Variants in SLC39A11 observed in about 807,000 individuals in gnomAD.
The protein encoded by SLC39A11 is zinc transporter ZIP11.
SLC39A11 carries 33 observed loss-of-function variants against 36.1 expected under a neutral mutation model. The ratio of observed to expected loss-of-function variants is 0.91; its 90% CI spans 0.69 to 1.22. SLC39A11 has a LOEUF of 1.22. Ranked by LOEUF, SLC39A11 falls within the 50% of genes most tolerant of loss-of-function variation. SLC39A11 has a pLI of 0.00. For synonymous variants in SLC39A11, 166 were observed against 170.3 expected (o/e 0.97, Z 0.20); for missense variants, 432 against 430.3 (o/e 1.00, Z -0.03).
chr17:72,893,633 T>TA, intron 5 of SLC39A11, among the ~76,000 whole-genome samples: 1 of 152,034 alleles, frequency 6.6e-6, no homozygotes, highest in East Asian at 1.9e-4. Flanking sequence ...AATTTAGGGT[T>TA]AAAAAAATGG....
At chr17:72,909,829 T>G (rs1480363725) in intron 5 of SLC39A11, among the ~76,000 whole-genome samples, 1 of 150,656 alleles carries the variant, frequency 6.6e-6, no homozygotes, top group African/African-American at 2.4e-5. Flanking sequence ...CACTGCAACC[T>G]CCGCTTCCCG....
chr17:73,081,610 G>GATAT (rs36154651), intron 3 of SLC39A11, among the ~76,000 whole-genome samples: 5 of 133,588 alleles, frequency 3.7e-5, no homozygotes, highest in African/African-American at 1.4e-4. Context: ...AAGAAAATGT[G>GATAT]ATATATATAT....
At chr17:73,000,888 C>G (rs1043334945) in intron 4 of SLC39A11, among the ~76,000 whole-genome samples, 1 of 152,184 alleles carries the variant, frequency 6.6e-6, no homozygotes, top group African/African-American at 2.4e-5. Flanking sequence ...AACTTTAGTG[C>G]TTGAAAAGGG....
chr17:72,772,584 T>C (rs916011378), intron 6 of SLC39A11, among the ~76,000 whole-genome samples: 2 of 151,794 alleles, frequency 1.3e-5, no homozygotes, highest in African/African-American at 2.4e-5. Context: ...CCAAGGAGAG[T>C]GACAGAAAGA....
chr17:72,781,487 G>A (rs1280467929), intron 6 of SLC39A11, among the ~76,000 whole-genome samples: 45 of 151,406 alleles, frequency 3.0e-4, no homozygotes, highest in Non-Finnish European at 5.9e-4. Context: ...GCAATGGCGC[G>A]ATCTCGGCTC....
At chr17:72,858,128 A>T (rs911683893) in intron 5 of SLC39A11, among the ~76,000 whole-genome samples, 1 of 152,198 alleles carries the variant, frequency 6.6e-6, no homozygotes, top group Non-Finnish European at 1.5e-5. Flanking sequence ...TTAAGTCTTG[A>T]ATCCATCTTG....
At chr17:72,725,168 C>G (rs182066869) in intron 7 of SLC39A11, among the ~76,000 whole-genome samples, 67 of 152,204 alleles carry the variant, frequency 4.4e-4, no homozygotes, top group African/African-American at 1.5e-3. Context: ...TAAATGTCAC[C>G]CTCTCCCCTC....
At chr17:72,813,654 A>G (rs1252578941) in intron 6 of SLC39A11, among the ~76,000 whole-genome samples, 1 of 152,176 alleles carries the variant, frequency 6.6e-6, no homozygotes, top group African/African-American at 2.4e-5. Context: ...GAAGTTGATC[A>G]CTCTGCCTCT....
At chr17:72,824,663 G>A (rs2077938320) in intron 6 of SLC39A11, among the ~76,000 whole-genome samples, 1 of 151,346 alleles carries the variant, frequency 6.6e-6, no homozygotes, top group Admixed American at 6.6e-5. Flanking sequence ...ATGAAGTCCA[G>A]GCTGAAGTGG....
chr17:73,001,953 A>G (rs1443089298), intron 4 of SLC39A11, among the ~76,000 whole-genome samples: 1 of 152,188 alleles, frequency 6.6e-6, no homozygotes, highest in Non-Finnish European at 1.5e-5. Context: ...GGCTTAGGAA[A>G]GAATGGTGAA....
At chr17:72,763,926 G>A (rs149952666) in intron 6 of SLC39A11, among the ~76,000 whole-genome samples, 216 of 152,202 alleles carry the variant, frequency 1.4e-3, no homozygotes, top group Non-Finnish European at 2.9e-3. Context: ...GCTTATATCC[G>A]GTTCCATTTT....
At chr17:73,007,320 C>A (rs1306650853) in intron 4 of SLC39A11, among the ~76,000 whole-genome samples, 1 of 152,174 alleles carries the variant, frequency 6.6e-6, no homozygotes, top group South Asian at 2.1e-4. Context: ...ACTCAGGAGG[C>A]TGAGGAGGGA....
chr17:72,849,665 G>A lies in SLC39A11; in HGVS notation c.570C>T (p.Leu190=), dbSNP rs766704695. The A allele has an allele frequency of 4.4e-6, 7 of 1,592,186 alleles. No individual in the cohort carries two copies. Among genetic ancestry groups the A allele is most frequent in the Non-Finnish European group, 6.0e-6 (7 of 1,171,662 alleles). The change falls in exon 6 of 10, where the codon CTC becomes CTT. Residue 190 remains leucine, a synonymous_variant. Transcript: ENST00000255559. ...GGSSWRRIAL[L]ILAITIHNVP... Reference sequence around the variant, plus strand: ...CGTTGTGTATAGTGATGGCCAAGATGAGCAGTGCGATCCTCCTCCAGCTGC... The same window carrying A: ...CGTTGTGTATAGTGATGGCCAAGATAAGCAGTGCGATCCTCCTCCAGCTGC...
rs1159516130 is a variant in SLC39A11, at chr17:72,868,674, G to C, written c.431-18870C>G. Among the ~76,000 whole-genome samples, 5 of 150,906 alleles carry C rather than the reference G, an allele frequency of 3.3e-5. No homozygotes were observed. In the East Asian group the frequency reaches 9.7e-4, roughly 29 times the overall value. ...AGAAAGAAAAAATTAGCCAGGTGGG[G>C]TGGCACATGCCACAGGCCCAGCTAC... On this transcript the variant is annotated intron_variant, in intron 5 of 9. Coordinates refer to ENST00000255559, the MANE Select transcript of SLC39A11 (RefSeq NM_139177.4).
intron 3 of SLC39A11, among the ~76,000 whole-genome samples, chr17:73,077,074 G>C (rs953546314): frequency 1.8e-4 from 28 of 152,084 alleles, no homozygotes; most frequent in African/African-American, 6.8e-4. Flanking sequence ...CAGCCAATGT[G>C]TTGGCCTTAT....
chr17:72,847,445 G>C (rs1338611175), intron 6 of SLC39A11, among the ~76,000 whole-genome samples: 1 of 151,208 alleles, frequency 6.6e-6, no homozygotes, highest in Non-Finnish European at 1.5e-5. Flanking sequence ...ACTAAAAAAA[G>C]CTTATTCATA....
chr17:72,809,797 T>C (rs1338124421), intron 6 of SLC39A11, among the ~76,000 whole-genome samples: 2 of 152,108 alleles, frequency 1.3e-5, no homozygotes, highest in Non-Finnish European at 2.9e-5. Flanking sequence ...AGTTTGGGCG[T>C]GGTGGCTCAC....
chr17:73,069,082 A>AATTT (rs1181767549), intron 3 of SLC39A11, among the ~76,000 whole-genome samples: 6 of 151,980 alleles, frequency 3.9e-5, no homozygotes, highest in Non-Finnish European at 8.8e-5. Context: ...TTATGCTTCC[A>AATTT]ATTTTCTGTT....
chr17:72,916,985 A>G (rs1214986267), intron 5 of SLC39A11, among the ~76,000 whole-genome samples: 1 of 152,226 alleles, frequency 6.6e-6, no homozygotes, highest in Non-Finnish European at 1.5e-5. Flanking sequence ...GAAGTTGGAG[A>G]GGGTAACAGA....
Sources: allele counts gnomAD v4.1 joint callset (sites outside exome capture counted in the v4.1 genomes callset), GRCh38; gene constraint gnomAD v4.1.1; transcripts MANE v1.5; gene names NCBI Gene and HGNC (gene_info 2026-07-23, HGNC 2026-07-21).